The following CATIP variants were observed in gnomAD, a reference collection of about 807,000 sequenced individuals.
The protein encoded by CATIP is ciliogenesis associated TTC17 interacting protein, also known as ciliogenesis-associated TTC17-interacting protein.
Under a neutral mutation model 42.5 loss-of-function variants are expected in CATIP, and 40 were observed. That is an observed-to-expected ratio of 0.94 (90% confidence interval 0.73 to 1.22). The LOEUF (loss-of-function observed/expected upper bound fraction) is 1.22. Among genes scored for constraint, CATIP ranks in the 50% most tolerant of loss-of-function variants. The pLI is 0.00. For missense variants in CATIP, 489 were observed against 496.0 expected (o/e 0.99, Z 0.13); for synonymous variants, 222 against 200.2 (o/e 1.11, Z -0.92).
At chr2:218,358,122 A>G in intron 4 of CATIP, 30 bp downstream of exon 4, 2 of 1,587,450 alleles carry the variant, frequency 1.3e-6, no homozygotes, top group Non-Finnish European at 1.7e-6. Flanking sequence ...CCTTGACCCA[A>G]TCCAGGGGAG....
chr2:218,367,687 C>A, intron 9 of CATIP, 35 bp from the exon 10 acceptor site: 1 of 1,578,454 alleles, frequency 6.3e-7, no homozygotes. Flanking sequence ...GCGGGGGTCC[C>A]GTCCGGCTGA....
intron 4 of CATIP, among the ~76,000 whole-genome samples, chr2:218,359,703 T>C (rs549984042): frequency 1.4e-4 from 21 of 152,330 alleles, no homozygotes; most frequent in South Asian, 6.2e-4. Context: ...AAAACCAGTG[T>C]TCTGAAGTGC....
intron 6 of CATIP, among the ~76,000 whole-genome samples, chr2:218,363,309 C>T (rs574996470): frequency 2.0e-5 from 3 of 148,382 alleles, no homozygotes; most frequent in South Asian, 4.3e-4. Context: ...TGAAACCCCG[C>T]CTCTACTAAA....
In CATIP at chr2:218,367,058, G is replaced by C. The variant is rs145198997; in HGVS notation, c.790G>C (p.Gly264Arg). ...LAKRIQVGSP[G>R]CCIITKMPIL... ...CAAGAGAATACAGGTGGGCTCCCCA[G>C]GGTGCTGCATCATCACCAAGATGCC... The change falls in exon 8 of 10, where the codon GGG (glycine) becomes CGG (arginine). Residue 264 changes from glycine to arginine, a missense_variant. By Grantham distance (125) the Gly-to-Arg change is moderately radical. Transcript: ENST00000289388. 6.2e-7 allele frequency: 1 copy of C among 1,613,824 alleles called. No individual in the cohort carries two copies. The highest frequency in any genetic ancestry group is 8.5e-7 in the Non-Finnish European group (1 of 1,179,858).
intron 9 of CATIP, 45 bp downstream of exon 9, chr2:218,367,563 G>T: frequency 6.2e-7 from 1 of 1,607,352 alleles, no homozygotes; most frequent in Non-Finnish European, 8.5e-7. Flanking sequence ...TCCCCCATGG[G>T]CCTTAAATTC....
At chr2:218,362,363 A>AG (rs1490384165) in intron 5 of CATIP, among the ~76,000 whole-genome samples, 1 of 149,404 alleles carries the variant, frequency 6.7e-6, no homozygotes, top group East Asian at 2.0e-4. Flanking sequence ...AAAAAAAAAA[A>AG]AAAAAAAGGC....
At position 218,357,685 on chromosome 2, in the gene CATIP, C is replaced by T; in HGVS notation, c.270C>T (p.Ala90=). 3.7e-6 allele frequency: 6 copies of T among 1,614,044 alleles called. No homozygotes were observed. The highest frequency in any genetic ancestry group is 5.1e-6 in the Non-Finnish European group (6 of 1,180,016). Residue 90 remains alanine, a synonymous_variant, in exon 3 of 10, where the codon GCC becomes GCT. Coordinates refer to ENST00000289388, the MANE Select transcript of CATIP (RefSeq NM_198559.2). ...TGACATACTGCCTCTTCGTGCATGCCTCTAGCCGAGGCTTCTTGGACAAAA... is the reference window on the plus strand; with the variant it reads ...TGACATACTGCCTCTTCGTGCATGCTTCTAGCCGAGGCTTCTTGGACAAAA... ...GMLTYCLFVH[A]SSRGFLDKML... is the part of the protein sequence containing the mutation.
At chr2:218,360,352 G>A (rs1433513603) in intron 4 of CATIP, among the ~76,000 whole-genome samples, 2 of 151,832 alleles carry the variant, frequency 1.3e-5, no homozygotes, top group East Asian at 1.9e-4. Flanking sequence ...GGGTTTCACC[G>A]TGTTAGCCAG....
Position 218,357,717 on chromosome 2 carries a change from G to A in CATIP, c.302G>A (p.Cys101Tyr), listed in dbSNP as rs1223399671. Residue 101 changes from cysteine to tyrosine, a missense_variant, in exon 3 of 10, where the codon TGC (cysteine) becomes TAC (tyrosine). Cys to Tyr is a radical substitution (Grantham distance 194). Coordinates refer to ENST00000289388, the MANE Select transcript of CATIP (RefSeq NM_198559.2). ...CGAGGCTTCTTGGACAAAATGCTCT[G>A]CGGAAATTCCCTCCTGGGTAGCGTT... ...SSRGFLDKML[C>Y]GNSLLGYLSE... The A allele has an allele frequency of 1.9e-6, 3 of 1,613,574 alleles. No individual in the cohort carries two copies. In the South Asian group the frequency reaches 3.3e-5, roughly 18 times the overall value.
chr2:218,358,934 G>T (rs1325145280), intron 4 of CATIP, among the ~76,000 whole-genome samples: 1 of 151,830 alleles, frequency 6.6e-6, no homozygotes, highest in Non-Finnish European at 1.5e-5. Flanking sequence ...GTTGGGCACG[G>T]TGGCTCACGC....
chr2:218,364,818 G>C, intron 7 of CATIP, 66 bp downstream of exon 7: 1 of 1,547,344 alleles, frequency 6.5e-7, no homozygotes, highest in South Asian at 1.2e-5. Context: ...GAGACCGGCT[G>C]CTTCTGGGGA....
chr2:218,360,405 CT>C (rs1695192199), intron 4 of CATIP, among the ~76,000 whole-genome samples, 167 bp from the exon 5 acceptor site: 1 of 152,170 alleles, frequency 6.6e-6, no homozygotes, highest in Admixed American at 6.5e-5. Flanking sequence ...CCACCTCGGC[CT>C]CCCACAGTGC....
intron 3 of CATIP, 73 bp downstream of exon 3, chr2:218,357,807 CT>C: frequency 1.3e-6 from 2 of 1,493,012 alleles, no homozygotes; most frequent in Non-Finnish European, 9.3e-7. Context: ...TTCCTAGAAT[CT>C]TTTTTCAGGA....
intron 2 of CATIP, 71 bp downstream of exon 2, chr2:218,357,258 A>ACTCTCTCT: frequency 1.8e-6 from 1 of 556,112 alleles, no homozygotes; most frequent in Admixed American, 4.8e-5. Context: ...AAGAAAGTCC[A>ACTCTCTCT]GTCTCTCTCT....
rs1009507923 is a variant in CATIP at position 218,359,116 on chromosome 2, A to ATCATGAGG, written c.375+1028_375+1035dup. On this transcript the variant is annotated intron_variant, in intron 4 of 9. Coordinates refer to ENST00000289388, the MANE Select transcript of CATIP (RefSeq NM_198559.2). ...CACTTTGGGATGCCGAGGCAGGTGG[A>ATCATGAGG]TCATGAGGTCAGGAGTTCAAGACCA... 5.3e-5 allele frequency among the ~76,000 whole-genome samples: 8 copies of ATCATGAGG among 151,940 alleles called. 1 individual carries two copies. Among genetic ancestry groups the ATCATGAGG allele is most frequent in the African/African-American group, 1.9e-4 (8 of 41,364 alleles).
intron 1 of CATIP, 62 bp downstream of exon 1, chr2:218,356,971 C>T (rs1695035031): frequency 5.0e-6 from 8 of 1,603,734 alleles, no homozygotes; most frequent in Admixed American, 3.4e-5. Context: ...AATCCACCCT[C>T]GGGGTAGTCT....
chr2:218,357,936 C>T, intron 3 of CATIP, 101 bp from the exon 4 acceptor site: 1 of 1,197,484 alleles, frequency 8.4e-7, no homozygotes, highest in Non-Finnish European at 1.2e-6. Flanking sequence ...TTTTCTGGGA[C>T]CGTATTACAC....
chr2:218,364,125 G>A (rs966535420), intron 6 of CATIP, among the ~76,000 whole-genome samples: 2 of 152,168 alleles, frequency 1.3e-5, no homozygotes, highest in Admixed American at 6.6e-5. Context: ...CATTTGACAT[G>A]AACAAGCACA....
rs202001847 is a variant in CATIP, at chr2:218,362,715, C to T, written c.463-20C>T. 1.2e-6 allele frequency: 2 copies of T among 1,610,728 alleles called. No homozygotes were observed. The highest frequency in any genetic ancestry group is 1.7e-6 in the Non-Finnish European group (2 of 1,177,548). ...CCCCTTCCTGGTTCCAGGACCCTGACCCAGATCAGTTCTGAACAGGAAGTG... is the reference window on the plus strand; with the variant it reads ...CCCCTTCCTGGTTCCAGGACCCTGATCCAGATCAGTTCTGAACAGGAAGTG... On this transcript the variant is annotated intron_variant, in intron 5 of 9. Coordinates refer to ENST00000289388, the MANE Select transcript of CATIP (RefSeq NM_198559.2).
Sources: allele counts gnomAD v4.1 joint callset (sites outside exome capture counted in the v4.1 genomes callset), GRCh38; gene constraint gnomAD v4.1.1; transcripts MANE v1.5; gene names NCBI Gene and HGNC (gene_info 2026-07-23, HGNC 2026-07-21).